Variants in CNTN4 observed in about 807,000 individuals in gnomAD.
CNTN4 encodes contactin-4.
In CNTN4, 77 loss-of-function variants were observed where a neutral mutation model predicts 122.5. That is an observed-to-expected ratio of 0.63 (90% CI 0.52 to 0.76). The LOEUF (loss-of-function observed/expected upper bound fraction) is 0.76. Among genes scored for constraint, CNTN4 ranks in the 30% least tolerant of loss-of-function variants. CNTN4 has a pLI of 0.00. For missense variants in CNTN4, 1,256 were observed against 1,259.1 expected (o/e 1.00, Z 0.04); for synonymous variants, 512 against 447.0 (o/e 1.15, Z -1.83).
At chr3:2,491,211 C>T (rs1470637450) in intron 3 of CNTN4, among the ~76,000 whole-genome samples, 1 of 152,080 alleles carries the variant, frequency 6.6e-6, no homozygotes, top group Non-Finnish European at 1.5e-5. Context: ...TAGGAAACAG[C>T]TTATTGTGAA....
At chr3:2,605,404 G>A (rs1261630460) in intron 4 of CNTN4, among the ~76,000 whole-genome samples, 1 of 152,142 alleles carries the variant, frequency 6.6e-6, no homozygotes, top group Non-Finnish European at 1.5e-5. Context: ...CATGCAGGGA[G>A]AGCCCTGTAG....
intron 23 of CNTN4, among the ~76,000 whole-genome samples, chr3:3,052,166 C>T (rs1701332860): frequency 6.6e-6 from 1 of 152,224 alleles, no homozygotes; most frequent in East Asian, 1.9e-4. Context: ...ACAACTACAG[C>T]ATGGATCCCA....
At chr3:2,481,573 C>T (rs188820601) in intron 3 of CNTN4, among the ~76,000 whole-genome samples, 7 of 152,096 alleles carry the variant, frequency 4.6e-5, no homozygotes, top group Non-Finnish European at 8.8e-5. Context: ...GATCAAAGAC[C>T]GACATGTAAA....
chr3:2,571,387 C>T (rs1451247216), intron 3 of CNTN4, 29 bp from the exon 4 acceptor site: 2 of 766,666 alleles, frequency 2.6e-6, no homozygotes, highest in Admixed American at 2.0e-5. Context: ...ATTCCCAAAT[C>T]TCATTGTAAT....
chr3:2,716,259 A>G (rs1385809321), intron 4 of CNTN4, among the ~76,000 whole-genome samples: 2 of 151,946 alleles, frequency 1.3e-5, no homozygotes, highest in Non-Finnish European at 2.9e-5. Flanking sequence ...TTCTATTAAC[A>G]TTTCTTAATA....
chr3:2,478,217 T>C (rs2075884312), intron 3 of CNTN4, among the ~76,000 whole-genome samples: 1 of 152,174 alleles, frequency 6.6e-6, no homozygotes, highest in African/African-American at 2.4e-5. Flanking sequence ...TTTTCTTATT[T>C]CAGAGTGTCG....
Position 2,883,242 on chromosome 3 carries a change from A to G in CNTN4, c.750A>G (p.Leu250=). 4 of 1,612,688 alleles carry G rather than the reference A, an allele frequency of 2.5e-6. No homozygotes were observed. The highest frequency in any genetic ancestry group is 3.4e-6 in the Non-Finnish European group (4 of 1,179,032). The change falls in exon 9 of 25, where the codon TTA becomes TTG. Residue 250 remains leucine, a synonymous_variant. Coordinates refer to ENST00000418658, the MANE Select transcript of CNTN4 (RefSeq NM_175607.3). ...GATVKLECFA[L]GNPVPTIIWR... The stretch of plus-strand genomic sequence containing the variant: ...CGGTGAAGCTGGAATGCTTTGCTTT[A>G]GGAAAGTAAGTTCTGGTTTGCGTTC...
intron 3 of CNTN4, among the ~76,000 whole-genome samples, chr3:2,509,491 G>A (rs545166002): frequency 4.6e-5 from 7 of 152,094 alleles, no homozygotes; most frequent in South Asian, 2.1e-4. Context: ...TTGTTTCTTT[G>A]TACCCCACTT....
chr3:2,412,820 A>G (rs1443055596), intron 3 of CNTN4, among the ~76,000 whole-genome samples: 5 of 152,192 alleles, frequency 3.3e-5, no homozygotes, highest in South Asian at 2.1e-4. Context: ...CTGAATTTGA[A>G]TTACAGATAT....
intron 3 of CNTN4, among the ~76,000 whole-genome samples, chr3:2,427,973 G>A (rs569153760): frequency 3.9e-5 from 6 of 151,900 alleles, no homozygotes; most frequent in Admixed American, 2.6e-4. Flanking sequence ...GTCTCTTCAC[G>A]TGAGATGGGT....
chr3:2,781,873 CG>C (rs2091595773), intron 6 of CNTN4, among the ~76,000 whole-genome samples: 1 of 42,992 alleles, frequency 2.3e-5, no homozygotes, highest in Non-Finnish European at 4.3e-5. Flanking sequence ...TGCAGGCGCC[CG>C]CACCACGCCC....
intron 3 of CNTN4, among the ~76,000 whole-genome samples, chr3:2,366,943 C>G (rs963724021): frequency 6.6e-6 from 1 of 151,974 alleles, no homozygotes; most frequent in Non-Finnish European, 1.5e-5. Flanking sequence ...AATATTCATG[C>G]TTAGTTACAG....
At chr3:2,595,875 C>A (rs779891376) in intron 4 of CNTN4, among the ~76,000 whole-genome samples, 32 of 152,182 alleles carry the variant, frequency 2.1e-4, no homozygotes, top group Non-Finnish European at 3.5e-4. Context: ...GTTAGACAAT[C>A]TCATCATTTA....
At chr3:2,366,071 T>C (rs1443001576) in intron 3 of CNTN4, among the ~76,000 whole-genome samples, 2 of 152,192 alleles carry the variant, frequency 1.3e-5, no homozygotes, top group East Asian at 1.9e-4. Flanking sequence ...AACTCCATAA[T>C]GAATTTGGGT....
intron 2 of CNTN4, among the ~76,000 whole-genome samples, chr3:2,338,612 A>G (rs2044054223): frequency 6.6e-6 from 1 of 151,126 alleles, no homozygotes. Flanking sequence ...GTATTTATAT[A>G]TATATTTATA....
At chr3:3,029,380 A>C (rs1027604357) in intron 15 of CNTN4, among the ~76,000 whole-genome samples, 2 of 152,212 alleles carry the variant, frequency 1.3e-5, no homozygotes, top group East Asian at 3.8e-4. Flanking sequence ...AGGTCAATAA[A>C]GGTCTTTTGA....
intron 2 of CNTN4, among the ~76,000 whole-genome samples, chr3:2,113,988 G>A (rs1350220453): frequency 1.3e-5 from 2 of 152,122 alleles, no homozygotes; most frequent in Non-Finnish European, 2.9e-5. Flanking sequence ...CATATGAAAA[G>A]GCATGTTACT....
chr3:3,033,662 T>G lies in CNTN4; in HGVS notation c.1784-970T>G, dbSNP rs1699369350. On this transcript the variant is annotated intron_variant, in intron 16 of 24. Transcript: ENST00000418658. Reference sequence around the variant, plus strand: ...GTCATTATGTCCCCTCACCATCACCTTCCCTCCTGAGGTGGTCAATTGTAC... The same window carrying G: ...GTCATTATGTCCCCTCACCATCACCGTCCCTCCTGAGGTGGTCAATTGTAC... 2.6e-5 allele frequency among the ~76,000 whole-genome samples: 4 copies of G among 152,190 alleles called. No individual in the cohort carries two copies. The South Asian group carries it at 6.2e-4, about 24-fold the overall frequency.
intron 6 of CNTN4, among the ~76,000 whole-genome samples, chr3:2,746,690 C>T (rs2089788726): frequency 6.6e-6 from 1 of 152,162 alleles, no homozygotes; most frequent in Non-Finnish European, 1.5e-5. Flanking sequence ...TCCAATATAC[C>T]TAATATCCAG....
Sources: allele counts gnomAD v4.1 joint callset (sites outside exome capture counted in the v4.1 genomes callset), GRCh38; gene constraint gnomAD v4.1.1; transcripts MANE v1.5; gene names NCBI Gene and HGNC (gene_info 2026-07-23, HGNC 2026-07-21).